CDH13: variants seen among roughly 807,000 people sequenced by gnomAD.
CDH13 encodes the protein cadherin 13.
In CDH13, 24 loss-of-function variants were observed where a neutral mutation model predicts 63.8. The ratio of observed to expected loss-of-function variants is 0.38; its 90% CI spans 0.27 to 0.53. The LOEUF is 0.53. Among genes scored for constraint, CDH13 ranks in the 20% least tolerant of loss-of-function variants. The pLI, the probability that CDH13 is intolerant of heterozygous loss-of-function variation, is 0.85. For synonymous variants in CDH13, 503 were observed against 355.3 expected (o/e 1.42, Z -4.67); for missense variants, 1,049 against 903.1 (o/e 1.16, Z -2.07).
chr16:82,840,517 T>C (rs139817886), intron 1 of CDH13, among the ~76,000 whole-genome samples: 1,945 of 151,568 alleles, frequency 0.013, 37 homozygotes, highest in African/African-American at 0.044. Context: ...ACCTCGTCTC[T>C]ACTAAAAACA....
In CDH13 at chr16:83,503,958, G is replaced by T. The variant is rs1219236273; in HGVS notation, c.960+17303G>T. 2.0e-5 allele frequency among the ~76,000 whole-genome samples: 3 copies of T among 151,562 alleles called. No homozygotes were observed. In the South Asian group the frequency reaches 6.3e-4, roughly 32 times the overall value. On this transcript the variant is annotated intron_variant, in intron 7 of 13. Transcript: ENST00000567109. The stretch of plus-strand genomic sequence containing the variant: ...TTGCTTTTGGTGTTTTAGTTGGGGG[G>T]TGGGGGGCAAGGGAAGGGACAGCAT...
chr16:83,264,239 G>T (rs993828099), intron 5 of CDH13, among the ~76,000 whole-genome samples: 1 of 152,062 alleles, frequency 6.6e-6, no homozygotes, highest in African/African-American at 2.4e-5. Context: ...TGTTCAATGG[G>T]AATTTAAGAC....
chr16:82,868,142 G>A (rs950984962), intron 2 of CDH13, among the ~76,000 whole-genome samples: 1 of 152,198 alleles, frequency 6.6e-6, no homozygotes, highest in African/African-American at 2.4e-5. Flanking sequence ...GGGGTTTCAA[G>A]TAGTATATTT....
At chr16:83,431,503 A>C (rs9630646) in intron 6 of CDH13, among the ~76,000 whole-genome samples, 60 of 152,146 alleles carry the variant, frequency 3.9e-4, no homozygotes, top group African/African-American at 1.3e-3. Flanking sequence ...GCTATAACTA[A>C]CTACCTGAGG....
At chr16:82,923,531 C>T (rs2151284219) in intron 2 of CDH13, among the ~76,000 whole-genome samples, 1 of 152,288 alleles carries the variant, frequency 6.6e-6, no homozygotes, top group South Asian at 2.1e-4. Flanking sequence ...TACTTTTGTA[C>T]TCTGAGGCTA....
intron 5 of CDH13, among the ~76,000 whole-genome samples, chr16:83,279,708 T>C (rs1343399305): frequency 6.6e-6 from 1 of 152,156 alleles, no homozygotes; most frequent in African/African-American, 2.4e-5. Flanking sequence ...CATTTCTAGA[T>C]GGATATGAGA....
chr16:83,766,665 T>G (rs2150993013), intron 11 of CDH13, among the ~76,000 whole-genome samples: 1 of 152,340 alleles, frequency 6.6e-6, no homozygotes, highest in Non-Finnish European at 1.5e-5. Flanking sequence ...AGCTAACTTC[T>G]GAAAGTTTGT....
At chr16:83,290,428 C>G (rs1176517359) in intron 5 of CDH13, among the ~76,000 whole-genome samples, 1 of 152,082 alleles carries the variant, frequency 6.6e-6, no homozygotes, top group African/African-American at 2.4e-5. Flanking sequence ...GAAGAAGTCT[C>G]ACGAGATCTG....
intron 1 of CDH13, among the ~76,000 whole-genome samples, chr16:82,801,518 G>C (rs531200654): frequency 1.5e-4 from 23 of 152,314 alleles, no homozygotes; most frequent in African/African-American, 5.3e-4. Context: ...TTCAGCCCTT[G>C]CTCACAGATG....
At chr16:83,081,988 CG>C (rs981698488) in intron 3 of CDH13, among the ~76,000 whole-genome samples, 10 of 152,036 alleles carry the variant, frequency 6.6e-5, no homozygotes, top group South Asian at 2.1e-4. Context: ...TTAGTAGAGA[CG>C]GGGTTTCTTC....
chr16:82,988,066 T>C (rs1379332777), intron 2 of CDH13, among the ~76,000 whole-genome samples: 2 of 152,256 alleles, frequency 1.3e-5, no homozygotes, highest in Non-Finnish European at 2.9e-5. Flanking sequence ...GCTATGTTTT[T>C]ACATCTTGTA....
rs764395791 is a variant in CDH13 at position 83,046,142 on chromosome 16, T to TAATA, written c.366+13933_366+13936dup. Among the ~76,000 whole-genome samples, 15 of 152,298 alleles carry TAATA rather than the reference T, an allele frequency of 9.8e-5. No homozygotes were observed. In the East Asian group the frequency reaches 2.9e-3, roughly 29 times the overall value. On this transcript the variant is annotated intron_variant, in intron 3 of 13. Coordinates refer to ENST00000567109, the MANE Select transcript of CDH13 (RefSeq NM_001257.5). ...GATGTTGTCTTTTTTTGATGGCTTCTAATAAATAAATAGAAACCTCTTTTC... is the reference window on the plus strand; with the variant it reads ...GATGTTGTCTTTTTTTGATGGCTTCTAATAAATAAATAAATAGAAACCTCTTTTC...
chr16:83,411,519 C>G (rs1207180717), intron 6 of CDH13, among the ~76,000 whole-genome samples: 1 of 152,142 alleles, frequency 6.6e-6, no homozygotes, highest in Non-Finnish European at 1.5e-5. Flanking sequence ...AATGAATATT[C>G]AAATTCATTC....
At chr16:83,529,480 C>G (rs773401582) in intron 7 of CDH13, among the ~76,000 whole-genome samples, 1 of 152,140 alleles carries the variant, frequency 6.6e-6, no homozygotes, top group East Asian at 1.9e-4. Flanking sequence ...CTAGGAAATA[C>G]TATATGGCTT....
At chr16:83,351,351 G>A (rs1365874881) in intron 6 of CDH13, among the ~76,000 whole-genome samples, 1 of 147,524 alleles carries the variant, frequency 6.8e-6, no homozygotes, top group Non-Finnish European at 1.5e-5. Context: ...TTCTTTTCAA[G>A]TGAAAGAAAA....
At chr16:82,659,000 C>T (rs1007522212) in intron 1 of CDH13, among the ~76,000 whole-genome samples, 6 of 152,056 alleles carry the variant, frequency 3.9e-5, no homozygotes, top group Non-Finnish European at 8.8e-5. Context: ...GACTCTAATC[C>T]CCTCCTGGCC....
intron 7 of CDH13, among the ~76,000 whole-genome samples, chr16:83,506,795 A>G (rs186610444): frequency 5.9e-5 from 9 of 152,372 alleles, no homozygotes; most frequent in Admixed American, 1.3e-4. Flanking sequence ...GGAGAAATCC[A>G]CATGGCAAGG....
rs551640907 is a variant in CDH13 at position 83,772,522 on chromosome 16, C to T, written c.1682-7446C>T. On this transcript the variant is annotated intron_variant, in intron 11 of 13. Coordinates refer to ENST00000567109, the MANE Select transcript of CDH13 (RefSeq NM_001257.5). ...CTGAATATAGGTCAGCAGAAACTCC[C>T]GGCATCAAAGAAACTCTGACCATAA... Among the ~76,000 whole-genome samples the T allele has an allele frequency of 8.5e-5, 13 of 152,294 alleles. No individual in the cohort carries two copies. The East Asian group carries it at 1.9e-3, about 23-fold the overall frequency.
At chr16:82,850,166 CA>C (rs1199952357) in intron 1 of CDH13, among the ~76,000 whole-genome samples, 1 of 152,132 alleles carries the variant, frequency 6.6e-6, no homozygotes, top group Non-Finnish European at 1.5e-5. Context: ...CAAAATGAGT[CA>C]AAAACCTGCT....
Sources: allele counts gnomAD v4.1 joint callset (sites outside exome capture counted in the v4.1 genomes callset), GRCh38; gene constraint gnomAD v4.1.1; transcripts MANE v1.5; gene names NCBI Gene and HGNC (gene_info 2026-07-23, HGNC 2026-07-21).